NDRG4: variants seen among roughly 807,000 people sequenced by gnomAD.
NDRG4 encodes the protein protein NDRG4.
NDRG4 carries 38 observed loss-of-function variants against 55.8 expected under a neutral mutation model. That is an observed-to-expected ratio of 0.68 (90% CI 0.53 to 0.89). NDRG4 has a LOEUF of 0.89. NDRG4 is among the 40% of genes least tolerant of loss of function. NDRG4 has a pLI of 0.00. For synonymous variants in NDRG4, 190 were observed against 182.7 expected, an observed-to-expected ratio of 1.04 and a Z score of -0.32; for missense variants, 455 against 468.6, an observed-to-expected ratio of 0.97 and a Z score of 0.27.
At chr16:58,467,337 A>G (rs1469063255) in intron 1 of NDRG4, among the ~76,000 whole-genome samples, 1 of 152,118 alleles carries the variant, frequency 6.6e-6, no homozygotes, top group Middle Eastern at 3.2e-3. Context: ...TGAAACCCCC[A>G]TCTCTACTAA....
At chr16:58,490,652 G>A (rs996241091) in intron 2 of NDRG4, among the ~76,000 whole-genome samples, 1 of 152,092 alleles carries the variant, frequency 6.6e-6, no homozygotes, top group African/African-American at 2.4e-5. Flanking sequence ...TGTGGGCCTG[G>A]GCACATCTGC....
intron 1 of NDRG4, among the ~76,000 whole-genome samples, chr16:58,484,883 CTTTTT>C (rs572251728): frequency 1.5e-5 from 2 of 133,900 alleles, no homozygotes; most frequent in African/African-American, 2.8e-5. Flanking sequence ...TCATAACTTA[CTTTTT>C]TTTTTTTTTT....
At position 58,503,864 on chromosome 16, in the gene NDRG4, C is replaced by T. The variant is rs202237732; in HGVS notation, c.88C>T (p.Arg30Cys). 5.0e-5 allele frequency: 80 copies of T among 1,613,958 alleles called. No homozygotes were observed. Among genetic ancestry groups the T allele is most frequent in the African/African-American group, 1.1e-4 (8 of 75,030 alleles). Residue 30 changes from arginine (R) to cysteine (C), a missense_variant, in exon 2 of 15, where the codon CGC (arginine) becomes TGC (cysteine). Arg to Cys is a radical substitution (Grantham distance 180). Coordinates refer to ENST00000570248, the MANE Select transcript of NDRG4 (RefSeq NM_001242835.2). ...GATCCGGGGCTCCCCCAAGGGGAAC[C>T]GCCCAGCCATCCTCACCTACCATGA... ...VVIRGSPKGN[R>C]PAILTYHDVG...
intron 14 of NDRG4, chr16:58,510,897 T>G: frequency 1.7e-6 from 1 of 600,752 alleles, no homozygotes; most frequent in Non-Finnish European, 3.0e-6. Context: ...TTCTAGGTTG[T>G]CATGAGCTGC....
intron 2 of NDRG4, among the ~76,000 whole-genome samples, chr16:58,494,809 G>A (rs2036203184): frequency 6.7e-6 from 1 of 148,322 alleles, no homozygotes; most frequent in Non-Finnish European, 1.5e-5. Flanking sequence ...TCCAGCCTGG[G>A]TGATAGAGTG....
chr16:58,514,402 G>A (rs561002809), downstream of NDRG4, among the ~76,000 whole-genome samples: 4 of 151,938 alleles, frequency 2.6e-5, no homozygotes, highest in Non-Finnish European at 4.4e-5. Context: ...TCTTAGTTTC[G>A]CAGGTGAGGA....
Position 58,504,263 on chromosome 16 carries a change from G to A in NDRG4, c.237G>A (p.Gln79=). ...CTGGACAACAGGTGGGGGCGTCGCA[G>A]TTTCCTCAGGGGTAGGTACCCTGAG... is the stretch of plus-strand genomic sequence containing the variant. ...DAPGQQVGAS[Q]FPQGYQFPSM... Residue 79 remains glutamine (Q), a synonymous_variant, in exon 3 of 15, where the codon CAG becomes CAA. Coordinates refer to ENST00000570248, the MANE Select transcript of NDRG4 (RefSeq NM_001242835.2). 6.2e-7 allele frequency: 1 copy of A among 1,614,146 alleles called. No individual in the cohort carries two copies. The highest frequency in any genetic ancestry group is 1.3e-5 in the African/African-American group (1 of 75,036).
At chr16:58,503,340 T>G (rs2037407597) in intron 1 of NDRG4, among the ~76,000 whole-genome samples, 2 of 152,132 alleles carry the variant, frequency 1.3e-5, no homozygotes, top group Admixed American at 1.3e-4. Flanking sequence ...GGGGCTAGGC[T>G]TGGCTGGCAC....
At chr16:58,505,616 C>T (rs1352656287) in intron 5 of NDRG4, among the ~76,000 whole-genome samples, 5 of 148,720 alleles carry the variant, frequency 3.4e-5, no homozygotes, top group African/African-American at 1.2e-4. Flanking sequence ...CACAGTCTAA[C>T]AGTTGAAAAG....
chr16:58,508,032 G>C, intron 10 of NDRG4, 33 bp downstream of exon 10: 1 of 1,520,080 alleles, frequency 6.6e-7, no homozygotes, highest in Non-Finnish European at 8.9e-7. Flanking sequence ...ACTGGGGGTG[G>C]GAGGTAGGGG....
chr16:58,467,874 C>T (rs1193021643), intron 1 of NDRG4, among the ~76,000 whole-genome samples: 2 of 152,214 alleles, frequency 1.3e-5, no homozygotes, highest in Admixed American at 1.3e-4. Flanking sequence ...GGCCGCCTCC[C>T]GAGTGCACTC....
chr16:58,502,170 C>G (rs2037243057), intron 1 of NDRG4: 1 of 383,582 alleles, frequency 2.6e-6, no homozygotes, highest in Non-Finnish European at 5.4e-6. Context: ...CCTTTCCTAG[C>G]CTCAATTTCC....
Position 58,512,158 on chromosome 16 carries a change from C to T in NDRG4, c.*582C>T, listed in dbSNP as rs1050613395. The T allele has an allele frequency of 1.3e-5, 6 of 453,944 alleles. No homozygotes were observed. The highest frequency in any genetic ancestry group is 8.0e-5 in the African/African-American group (4 of 50,032). 28.1% of individuals were successfully genotyped at this position (453,944 alleles called of 1,614,324 possible). ...TGCTGTAGGGCCACGCAGGCAGGGG[C>T]GTCAAGGGGTTTCTCTGCCCAAGGA... On this transcript the variant is annotated 3_prime_UTR_variant, in exon 15 of 15. Transcript: ENST00000570248.
chr16:58,490,565 AC>A (rs2035658691), intron 2 of NDRG4, among the ~76,000 whole-genome samples: 1 of 151,732 alleles, frequency 6.6e-6, no homozygotes, highest in Non-Finnish European at 1.5e-5. Flanking sequence ...TAACATCCTC[AC>A]CCCTGCATGA....
In NDRG4 at chr16:58,504,604, T is replaced by C. The variant is rs772063686; in HGVS notation, c.327T>C (p.Ile109=). ...TCTGCACCAGGTTCAAGTATGTGAT[T>C]GGCATCGGAGTGGGCGCCGGAGCCT... ...VVQHFGFKYV[I]GIGVGAGAYV... is the part of the protein sequence containing the mutation. The change falls in exon 5 of 15, where the codon ATT becomes ATC. Residue 109 remains isoleucine (I), a synonymous_variant. Coordinates refer to ENST00000570248, the MANE Select transcript of NDRG4 (RefSeq NM_001242835.2). The C allele has an allele frequency of 1.9e-6, 3 of 1,614,152 alleles. No individual in the cohort carries two copies. In the South Asian group the frequency reaches 3.3e-5, roughly 18 times the overall value.
At chr16:58,504,807 T>G in intron 5 of NDRG4, 158 bp downstream of exon 5, 2 of 705,500 alleles carry the variant, frequency 2.8e-6, no homozygotes, top group Non-Finnish European at 4.7e-6. Context: ...TCTTTTTTCT[T>G]TTTTCCTCCA....
At chr16:58,493,970 G>T (rs1367013810) in intron 2 of NDRG4, among the ~76,000 whole-genome samples, 1 of 152,190 alleles carries the variant, frequency 6.6e-6, no homozygotes, top group East Asian at 1.9e-4. Flanking sequence ...GCCTCAGGGA[G>T]AGCCTGGCAA....
At chr16:58,475,319 C>G (rs1191935069) in intron 1 of NDRG4, among the ~76,000 whole-genome samples, 1 of 152,156 alleles carries the variant, frequency 6.6e-6, no homozygotes, top group Non-Finnish European at 1.5e-5. Context: ...TTATTGTGAG[C>G]TTGTGAGGTG....
chr16:58,511,583 T>C lies in NDRG4; in HGVS notation c.*7T>C, dbSNP rs568677680. 6.2e-7 allele frequency: 1 copy of C among 1,613,064 alleles called. No homozygotes were observed. Among genetic ancestry groups the C allele is most frequent in the Non-Finnish European group, 8.5e-7 (1 of 1,179,938 alleles). On this transcript the variant is annotated 3_prime_UTR_variant, in exon 15 of 15. Coordinates refer to ENST00000570248, the MANE Select transcript of NDRG4 (RefSeq NM_001242835.2). ...CATGGAGGTGTCCTGTTGAAGCCCT[T>C]GATCCCGCTGACGACGCCCACGTCG...
Sources: gnomAD v4.1 joint callset for allele counts (sites outside exome capture counted in the v4.1 genomes callset) on GRCh38, gnomAD v4.1.1 for gene constraint, MANE v1.5 for transcripts, NCBI Gene and HGNC (gene_info 2026-07-23, HGNC 2026-07-21) for gene names.